Variants in SUMF1 observed in about 807,000 individuals in gnomAD.
The protein encoded by SUMF1 is sulfatase modifying factor 1, also known as formylglycine-generating enzyme.
SUMF1 carries 48 observed loss-of-function variants against 47.6 expected under a neutral mutation model. The observed-to-expected ratio is 1.01, with a 90% CI of 0.80 to 1.28. The LOEUF is 1.28. Ranked by LOEUF, SUMF1 falls within the 50% of genes most tolerant of loss-of-function variation. The pLI is 0.00. For missense variants in SUMF1, 571 were observed against 485.4 expected (o/e 1.18, Z -1.66); for synonymous variants, 230 against 192.1 (o/e 1.20, Z -1.63).
At position 4,212,693 on chromosome 3, in the gene SUMF1, T is replaced by C. The variant is rs146317791; in HGVS notation, c.1015-143948A>G. On this transcript the variant is annotated intron_variant and NMD_transcript_variant, in intron 8 of 12. Transcript: ENST00000448413. ...AGGTTACACGAATTGTTAACTAGAATAACCAGTTTACAGAAGAACATAAAT... is the reference window on the plus strand; with the variant it reads ...AGGTTACACGAATTGTTAACTAGAACAACCAGTTTACAGAAGAACATAAAT... 1.1e-4 allele frequency among the ~76,000 whole-genome samples: 16 copies of C among 152,166 alleles called. No homozygotes were observed. The East Asian group carries it at 1.7e-3, about 17-fold the overall frequency.
chr3:4,236,795 TA>T (rs1023432989), intron 8 of SUMF1, among the ~76,000 whole-genome samples: 1 of 152,112 alleles, frequency 6.6e-6, no homozygotes, highest in Admixed American at 6.6e-5. Context: ...GGTTCACCCT[TA>T]GTGTTGTACA....
At chr3:4,098,455 G>T (rs890578160) in intron 8 of SUMF1, among the ~76,000 whole-genome samples, 5 of 151,998 alleles carry the variant, frequency 3.3e-5, no homozygotes, top group Non-Finnish European at 5.9e-5. Context: ...AATCTTGTTT[G>T]ATTTCAAAGA....
chr3:4,198,945 T>C (rs577932293), intron 8 of SUMF1, among the ~76,000 whole-genome samples: 67 of 152,286 alleles, frequency 4.4e-4, no homozygotes, highest in African/African-American at 1.4e-3. Flanking sequence ...TCCAAGCTAT[T>C]ATCCCTCTGA....
intron 8 of SUMF1, among the ~76,000 whole-genome samples, chr3:4,237,570 G>A (rs1349468485): frequency 1.3e-5 from 2 of 151,818 alleles, no homozygotes. Flanking sequence ...TTTTCTCCCA[G>A]TCTGTCACTT....
In SUMF1 at chr3:4,118,125, A is replaced by C. The variant is rs114685180; in HGVS notation, c.1015-49380T>G. On this transcript the variant is annotated intron_variant and NMD_transcript_variant, in intron 8 of 12. Transcript: ENST00000448413. ...TGAGAATTCATTTGCATAAGTAAAT[A>C]GGACCCTCCTCTCCCCACAAGACAT... 1.6e-3 allele frequency among the ~76,000 whole-genome samples: 247 copies of C among 152,188 alleles called. 3 individuals carry two copies. The highest frequency in any genetic ancestry group is 5.6e-3 in the African/African-American group (234 of 41,480).
chr3:4,203,418 GT>G (rs1443877324), intron 8 of SUMF1, among the ~76,000 whole-genome samples: 2 of 151,584 alleles, frequency 1.3e-5, no homozygotes, highest in African/African-American at 4.8e-5. Context: ...CTCTTTCTTG[GT>G]TTTCATTTGC....
chr3:4,173,954 C>T (rs1252091642), intron 8 of SUMF1, among the ~76,000 whole-genome samples: 1 of 152,110 alleles, frequency 6.6e-6, no homozygotes, highest in Non-Finnish European at 1.5e-5. Context: ...GTGTGGCAAA[C>T]CACCATGGCA....
chr3:4,113,818 A>G (rs549595924), intron 8 of SUMF1, among the ~76,000 whole-genome samples: 1 of 152,244 alleles, frequency 6.6e-6, no homozygotes, highest in Non-Finnish European at 1.5e-5. Flanking sequence ...GTAGGCAGAT[A>G]GGAACAATTA....
intron 9 of SUMF1, among the ~76,000 whole-genome samples, chr3:4,056,522 A>G (rs1024923029): frequency 1.3e-5 from 2 of 152,016 alleles, no homozygotes; most frequent in Non-Finnish European, 1.5e-5. Context: ...AAAACTTAAA[A>G]AATAGCCAGA....
chr3:4,340,875 T>C (rs182566954), intron 8 of SUMF1, among the ~76,000 whole-genome samples: 1 of 152,202 alleles, frequency 6.6e-6, no homozygotes, highest in Non-Finnish European at 1.5e-5. Context: ...AACTTTTTTG[T>C]TTTTTTATTC....
chr3:4,210,426 A>C (rs1695754490), intron 8 of SUMF1, among the ~76,000 whole-genome samples: 1 of 152,186 alleles, frequency 6.6e-6, no homozygotes, highest in Admixed American at 6.5e-5. Flanking sequence ...AATGTGGTAT[A>C]TACACCAATG....
chr3:4,253,922 T>G (rs313666), intron 8 of SUMF1, among the ~76,000 whole-genome samples: 23,580 of 142,280 alleles, frequency 0.17, 2,141 homozygotes, highest in South Asian at 0.36. Context: ...ATCTGAGAAC[T>G]GGCAGACTGC....
At chr3:4,046,755 G>C (rs1488860860) in intron 9 of SUMF1, among the ~76,000 whole-genome samples, 1 of 151,952 alleles carries the variant, frequency 6.6e-6, no homozygotes, top group Non-Finnish European at 1.5e-5. Context: ...ATCCTACCTG[G>C]AATTTAAACT....
At chr3:4,448,944 C>G (rs1253549700) in intron 3 of SUMF1, among the ~76,000 whole-genome samples, 1 of 152,210 alleles carries the variant, frequency 6.6e-6, no homozygotes. Flanking sequence ...ATTGAGCCCT[C>G]CATTCTAGAA....
At chr3:4,242,771 G>C (rs1466146157) in intron 8 of SUMF1, among the ~76,000 whole-genome samples, 1 of 152,142 alleles carries the variant, frequency 6.6e-6, no homozygotes, top group East Asian at 1.9e-4. Flanking sequence ...TTGGGATCAG[G>C]ATGATGTTGG....
intron 8 of SUMF1, among the ~76,000 whole-genome samples, chr3:4,238,109 C>G (rs567517050): frequency 1.3e-5 from 2 of 152,252 alleles, no homozygotes; most frequent in Admixed American, 1.3e-4. Context: ...AGGACAGAAA[C>G]TCATCCTTTT....
intron 6 of SUMF1, among the ~76,000 whole-genome samples, chr3:4,413,886 T>C (rs2819581): frequency 0.24 from 36,184 of 151,808 alleles, 5,594 homozygotes; most frequent in Non-Finnish European, 0.34. Flanking sequence ...TTTTTTAAGA[T>C]AGAGTCTCAC....
At chr3:4,276,891 T>C (rs1405148543) in intron 8 of SUMF1, among the ~76,000 whole-genome samples, 1 of 152,166 alleles carries the variant, frequency 6.6e-6, no homozygotes, top group African/African-American at 2.4e-5. Flanking sequence ...AAAATAAGTA[T>C]ATAGATCTGG....
At chr3:4,460,634 G>A (rs2079789524) in intron 1 of SUMF1, among the ~76,000 whole-genome samples, 1 of 148,704 alleles carries the variant, frequency 6.7e-6, no homozygotes, top group Non-Finnish European at 1.5e-5. Context: ...GAGAGTGTGT[G>A]TGTGTATATA....
Sources: allele counts gnomAD v4.1 joint callset (sites outside exome capture counted in the v4.1 genomes callset), GRCh38; gene constraint gnomAD v4.1.1; transcripts MANE v1.5; gene names NCBI Gene and HGNC (gene_info 2026-07-23, HGNC 2026-07-21).